Variants in HDAC4 observed in about 807,000 individuals in gnomAD.
HDAC4 encodes histone deacetylase A.
A neutral mutation model predicts 135.1 loss-of-function variants in HDAC4; 16 were observed. The ratio of observed to expected loss-of-function variants is 0.12; its 90% CI spans 0.08 to 0.18. The LOEUF is 0.18. Among genes scored for constraint, HDAC4 ranks in the 10% least tolerant of loss-of-function variants. The pLI, the probability that HDAC4 is intolerant of heterozygous loss-of-function variation, is 1.00. For missense variants in HDAC4, 1,143 were observed against 1,511.8 expected (o/e 0.76, Z 4.05); for synonymous variants, 685 against 653.4 (o/e 1.05, Z -0.74).
At chr2:239,076,304 C>T (rs2034756237) in intron 22 of HDAC4, among the ~76,000 whole-genome samples, 1 of 152,238 alleles carries the variant, frequency 6.6e-6, no homozygotes, top group South Asian at 2.1e-4. Flanking sequence ...AAGGCCATCG[C>T]TCGTGCAGCC....
intron 2 of HDAC4, among the ~76,000 whole-genome samples, chr2:239,252,968 G>A (rs2048865053): frequency 6.6e-6 from 1 of 152,240 alleles, no homozygotes; most frequent in African/African-American, 2.4e-5. Flanking sequence ...GAGCCCGCTG[G>A]CCACGGCGGC....
chr2:239,267,325 G>A (rs1575568410), intron 2 of HDAC4, among the ~76,000 whole-genome samples: 1 of 152,128 alleles, frequency 6.6e-6, no homozygotes, highest in African/African-American at 2.4e-5. Context: ...CCAGACAGAC[G>A]GCCTCTGATA....
At position 239,111,817 on chromosome 2, in the gene HDAC4, C is replaced by A. The variant is rs1375190822; in HGVS notation, c.1792-105G>T. 3.8e-6 allele frequency: 4 copies of A among 1,057,092 alleles called. No homozygotes were observed. The Admixed American group carries it at 6.1e-5, about 16-fold the overall frequency. The allele number at this position is 1,057,092 out of a possible 1,614,324, so 65.5% of individuals were successfully genotyped here. On this transcript the variant is annotated intron_variant, in intron 13 of 26. Coordinates refer to ENST00000543185, the MANE Select transcript of HDAC4 (RefSeq NM_001378414.1). Reference sequence around the variant, plus strand: ...TGCAAGTCTCCCGTCCACGCACAGGCCATACATGGGCCACAAGGATGCCGG... The same window carrying A: ...TGCAAGTCTCCCGTCCACGCACAGGACATACATGGGCCACAAGGATGCCGG...
chr2:239,093,011 G>A (rs1381954412), intron 17 of HDAC4, among the ~76,000 whole-genome samples: 1 of 152,180 alleles, frequency 6.6e-6, no homozygotes, highest in African/African-American at 2.4e-5. Flanking sequence ...GCCGAGGGCT[G>A]GCAGGGCTGG....
intron 24 of HDAC4, among the ~76,000 whole-genome samples, chr2:239,056,085 C>T (rs1027009354): frequency 2.0e-5 from 3 of 152,242 alleles, no homozygotes; most frequent in African/African-American, 4.8e-5. Context: ...CAGCTACTAT[C>T]GACAGTGGCA....
At chr2:239,365,350 C>G (rs1385076859) in intron 1 of HDAC4, among the ~76,000 whole-genome samples, 1 of 152,232 alleles carries the variant, frequency 6.6e-6, no homozygotes, top group African/African-American at 2.4e-5. Context: ...TTCCATTTCA[C>G]TGTGCTGTAA....
At chr2:239,254,229 C>T (rs1360680812) in intron 2 of HDAC4, among the ~76,000 whole-genome samples, 1 of 151,990 alleles carries the variant, frequency 6.6e-6, no homozygotes. Flanking sequence ...ACAAAACACA[C>T]AAAGAAGGAT....
chr2:239,129,005 AC>A (rs2040388420), intron 11 of HDAC4, among the ~76,000 whole-genome samples: 1 of 152,132 alleles, frequency 6.6e-6, no homozygotes, highest in Non-Finnish European at 1.5e-5. Flanking sequence ...CCAGCTTCAC[AC>A]GGGGACACAA....
chr2:239,231,701 GCGTCCTCCC>G (rs2047573690), intron 3 of HDAC4, among the ~76,000 whole-genome samples: 1 of 42,298 alleles, frequency 2.4e-5, no homozygotes, highest in African/African-American at 8.0e-5. Context: ...CCTGAGGTAG[GCGTCCTCCC>G]CAAAGCGCCC....
intron 14 of HDAC4, among the ~76,000 whole-genome samples, chr2:239,108,910 C>T (rs3791409): frequency 2.6e-5 from 4 of 152,140 alleles, no homozygotes; most frequent in African/African-American, 9.7e-5. Flanking sequence ...CCAACTGGGC[C>T]GGCAGCCTGG....
intron 2 of HDAC4, among the ~76,000 whole-genome samples, chr2:239,284,625 T>C (rs1373626379): frequency 6.6e-6 from 1 of 152,128 alleles, no homozygotes; most frequent in Admixed American, 6.5e-5. Context: ...TGCATGAAGA[T>C]GGTCCCAGCA....
chr2:239,204,703 G>A (rs900066093), intron 3 of HDAC4, among the ~76,000 whole-genome samples: 12 of 152,116 alleles, frequency 7.9e-5, no homozygotes, highest in African/African-American at 2.9e-4. Context: ...GCCGCTTCTC[G>A]CCCTTCAACA....
intron 1 of HDAC4, among the ~76,000 whole-genome samples, chr2:239,383,949 G>T (rs901516711): frequency 6.6e-6 from 1 of 152,226 alleles, no homozygotes; most frequent in Non-Finnish European, 1.5e-5. Flanking sequence ...AGGGCGGCTG[G>T]AAGAGCTGCC....
intron 2 of HDAC4, among the ~76,000 whole-genome samples, chr2:239,255,371 A>G (rs916189155): frequency 2.0e-5 from 3 of 152,054 alleles, no homozygotes; most frequent in African/African-American, 7.3e-5. Context: ...CCTCTTAAGA[A>G]CAACATAGAC....
At chr2:239,353,810 T>C (rs1053133099) in intron 1 of HDAC4, among the ~76,000 whole-genome samples, 5 of 152,228 alleles carry the variant, frequency 3.3e-5, no homozygotes, top group Admixed American at 1.3e-4. Context: ...GAAAAATCAC[T>C]TTCAGCACAT....
intron 1 of HDAC4, among the ~76,000 whole-genome samples, chr2:239,372,821 G>A (rs1387960372): frequency 6.6e-6 from 1 of 152,066 alleles, no homozygotes; most frequent in East Asian, 1.9e-4. Flanking sequence ...GCACACACAT[G>A]CTCACAATGC....
chr2:239,143,767 G>C (rs2152914888), intron 8 of HDAC4, among the ~76,000 whole-genome samples: 1 of 152,352 alleles, frequency 6.6e-6, no homozygotes, highest in South Asian at 2.1e-4. Context: ...GGCTTCCCTA[G>C]GTCAACAGCC....
At chr2:239,099,527 C>T (rs996342107) in intron 16 of HDAC4, among the ~76,000 whole-genome samples, 2 of 152,194 alleles carry the variant, frequency 1.3e-5, no homozygotes, top group Admixed American at 1.3e-4. Context: ...GAGGCAGTGA[C>T]GTTTCCTGGT....
chr2:239,223,810 T>C (rs201316489), intron 3 of HDAC4, among the ~76,000 whole-genome samples: 1 of 150,308 alleles, frequency 6.7e-6, no homozygotes, highest in East Asian at 2.0e-4. Context: ...CTTTACAAAG[T>C]AGGATTTGGT....
Sources: allele counts gnomAD v4.1 joint callset (sites outside exome capture counted in the v4.1 genomes callset), GRCh38; gene constraint gnomAD v4.1.1; transcripts MANE v1.5; gene names NCBI Gene and HGNC (gene_info 2026-07-23, HGNC 2026-07-21).